NXPH1: variants seen among roughly 807,000 people sequenced by gnomAD.
NXPH1 encodes the protein neurexophilin-1.
Under a neutral mutation model 23.7 loss-of-function variants are expected in NXPH1, and 5 were observed. That is an observed-to-expected ratio of 0.21 (90% CI 0.11 to 0.44). NXPH1 has a LOEUF of 0.44. NXPH1 is among the 20% of genes least tolerant of loss of function. The pLI, the probability that NXPH1 is intolerant of heterozygous loss-of-function variation, is 0.99. For synonymous variants in NXPH1, 144 were observed against 122.2 expected (o/e 1.18, Z -1.18); for missense variants, 324 against 321.6 (o/e 1.01, Z -0.06).
chr7:8,711,263 T>C lies in NXPH1; in HGVS notation c.55-39745T>C, dbSNP rs555273055. Reference sequence around the variant, plus strand: ...TTCTAGATGTTTGTATATTTGGTTCTCTTTGTTCTTACTTTGTTTTCTTTT... The same window carrying C: ...TTCTAGATGTTTGTATATTTGGTTCCCTTTGTTCTTACTTTGTTTTCTTTT... On this transcript the variant is annotated intron_variant, in intron 2 of 2. Transcript: ENST00000405863. Among the ~76,000 whole-genome samples the C allele has an allele frequency of 4.6e-5, 7 of 152,328 alleles. No homozygotes were observed. In the South Asian group the frequency reaches 1.4e-3, roughly 32 times the overall value.
chr7:8,743,875 G>A (rs143928497), intron 2 of NXPH1, among the ~76,000 whole-genome samples: 2 of 151,784 alleles, frequency 1.3e-5, no homozygotes, highest in Admixed American at 1.3e-4. Context: ...CAGTAGAGAC[G>A]GGGTTTCAGT....
At chr7:8,536,433 G>C (rs1287179141) in intron 2 of NXPH1, among the ~76,000 whole-genome samples, 2 of 151,962 alleles carry the variant, frequency 1.3e-5, no homozygotes, top group African/African-American at 4.8e-5. Context: ...CTTAAGAAAG[G>C]TACCATGTAA....
chr7:8,636,996 G>A (rs1285631071), intron 2 of NXPH1, among the ~76,000 whole-genome samples: 1 of 152,092 alleles, frequency 6.6e-6, no homozygotes, highest in African/African-American at 2.4e-5. Flanking sequence ...ACTTTAAGCA[G>A]CCTAGCTTCA....
At chr7:8,747,344 A>G (rs903638905) in intron 2 of NXPH1, among the ~76,000 whole-genome samples, 2 of 152,214 alleles carry the variant, frequency 1.3e-5, no homozygotes, top group African/African-American at 2.4e-5. Context: ...GAGGAGTCTT[A>G]GCAACTTTTT....
chr7:8,520,584 A>C (rs1817755082), intron 2 of NXPH1, among the ~76,000 whole-genome samples: 1 of 152,144 alleles, frequency 6.6e-6, no homozygotes, highest in African/African-American at 2.4e-5. Flanking sequence ...AATGAACATC[A>C]TCTAATTTAA....
rs557726717 is a variant in NXPH1 at position 8,639,020 on chromosome 7, G to A, written c.55-111988G>A. On this transcript the variant is annotated intron_variant, in intron 2 of 2. Coordinates refer to ENST00000405863, the MANE Select transcript of NXPH1 (RefSeq NM_152745.3). ...TTAATGAAACATATATTGAAACTAT[G>A]AAATGAAATGTATAAAAAGTGCTTA... 5.9e-5 allele frequency among the ~76,000 whole-genome samples: 9 copies of A among 152,224 alleles called. No homozygotes were observed. The South Asian group carries it at 1.2e-3, about 21-fold the overall frequency.
At chr7:8,698,065 G>A (rs921226463) in intron 2 of NXPH1, among the ~76,000 whole-genome samples, 8 of 152,124 alleles carry the variant, frequency 5.3e-5, no homozygotes, top group African/African-American at 1.2e-4. Flanking sequence ...AAGAACCAAC[G>A]GGGAAAGGAC....
At chr7:8,739,237 C>T (rs1440357642) in intron 2 of NXPH1, among the ~76,000 whole-genome samples, 1 of 147,484 alleles carries the variant, frequency 6.8e-6, no homozygotes, top group Non-Finnish European at 1.5e-5. Flanking sequence ...GCCCAAATGG[C>T]CACCCAGTTC....
intron 2 of NXPH1, among the ~76,000 whole-genome samples, chr7:8,547,038 C>A (rs1818206761): frequency 6.6e-6 from 1 of 151,376 alleles, no homozygotes; most frequent in Non-Finnish European, 1.5e-5. Flanking sequence ...GAACATCCTC[C>A]TAAACTGAGA....
intron 2 of NXPH1, among the ~76,000 whole-genome samples, chr7:8,527,014 C>T (rs1369373217): frequency 6.6e-6 from 1 of 151,314 alleles, no homozygotes; most frequent in Non-Finnish European, 1.5e-5. Flanking sequence ...CAGAAATTCT[C>T]CTATAGTAAT....
chr7:8,604,240 A>G (rs982642000), intron 2 of NXPH1, among the ~76,000 whole-genome samples: 2 of 152,140 alleles, frequency 1.3e-5, no homozygotes, highest in Non-Finnish European at 2.9e-5. Context: ...GTATTTTTTA[A>G]ACTTGTTGAT....
At chr7:8,477,277 G>A (rs1448557167) in intron 2 of NXPH1, among the ~76,000 whole-genome samples, 1 of 152,074 alleles carries the variant, frequency 6.6e-6, no homozygotes, top group Non-Finnish European at 1.5e-5. Flanking sequence ...TATACATTGT[G>A]TTTTACTTAC....
At chr7:8,726,269 GC>G (rs1780050875) in intron 2 of NXPH1, among the ~76,000 whole-genome samples, 1 of 147,242 alleles carries the variant, frequency 6.8e-6, no homozygotes, top group African/African-American at 2.5e-5. Context: ...TTCCTCGTTT[GC>G]TTCTTTTTCT....
chr7:8,724,319 T>A (rs978240121), intron 2 of NXPH1, among the ~76,000 whole-genome samples: 1 of 152,222 alleles, frequency 6.6e-6, no homozygotes, highest in African/African-American at 2.4e-5. Context: ...GCTGGAATGT[T>A]ACCCGGCTCT....
intron 2 of NXPH1, among the ~76,000 whole-genome samples, chr7:8,684,789 T>G (rs1388760096): frequency 1.3e-5 from 2 of 152,196 alleles, no homozygotes; most frequent in Non-Finnish European, 2.9e-5. Context: ...CCATTTTGTT[T>G]AGCTATTGAA....
intron 2 of NXPH1, among the ~76,000 whole-genome samples, chr7:8,496,773 G>T (rs149327712): frequency 1.4e-4 from 21 of 152,166 alleles, no homozygotes; most frequent in Non-Finnish European, 2.1e-4. Flanking sequence ...TCTCACAAGA[G>T]AAAAGTAGTT....
intron 2 of NXPH1, among the ~76,000 whole-genome samples, chr7:8,564,162 TGCCATCC>T (rs1818499342): frequency 6.6e-6 from 1 of 151,788 alleles, no homozygotes; most frequent in African/African-American, 2.4e-5. Flanking sequence ...TCAATCACCT[TGCCATCC>T]GCTTACTCTG....
At chr7:8,466,160 G>A (rs756495499) in intron 2 of NXPH1, among the ~76,000 whole-genome samples, 12 of 152,080 alleles carry the variant, frequency 7.9e-5, no homozygotes, top group Non-Finnish European at 1.6e-4. Context: ...AAATACAAAA[G>A]GATTAATGAG....
At position 8,752,842 on chromosome 7, in the gene NXPH1, A is replaced by C. The variant is rs1780588601; in HGVS notation, c.*1073A>C. 1 of 152,598 alleles carries C rather than the reference A, an allele frequency of 6.6e-6. No homozygotes were observed. The highest frequency in any genetic ancestry group is 2.4e-5 in the African/African-American group (1 of 41,460). 9.5% of individuals were successfully genotyped at this position (152,598 alleles called of 1,614,324 possible). Reference sequence around the variant, plus strand: ...AACTTAATGTACAGAGCATTTATTCAGATCAAGTATTGTTGAAAGCTATAC... The same window carrying C: ...AACTTAATGTACAGAGCATTTATTCCGATCAAGTATTGTTGAAAGCTATAC... On this transcript the variant is annotated 3_prime_UTR_variant, in exon 3 of 3. Transcript: ENST00000405863.
Sources: gnomAD v4.1 joint callset for allele counts (sites outside exome capture counted in the v4.1 genomes callset) on GRCh38, gnomAD v4.1.1 for gene constraint, MANE v1.5 for transcripts, NCBI Gene and HGNC (gene_info 2026-07-23, HGNC 2026-07-21) for gene names.